GABRB3: variants seen among roughly 807,000 people sequenced by gnomAD.
GABRB3 encodes gamma-aminobutyric acid type A receptor subunit beta3.
GABRB3 carries 14 observed loss-of-function variants against 52.1 expected under a neutral mutation model. That is an observed-to-expected ratio of 0.27 (90% CI 0.18 to 0.42). The LOEUF (loss-of-function observed/expected upper bound fraction) is 0.42, where lower values mean the gene tolerates loss of function less well. Ranked by LOEUF, GABRB3 falls within the 10% of genes least tolerant of loss-of-function variation. GABRB3 has a pLI of 1.00. For synonymous variants in GABRB3, 260 were observed against 232.3 expected (o/e 1.12, Z -1.08); for missense variants, 307 against 609.1 (o/e 0.50, Z 5.22).
chr15:26,628,231 CTTTA>C (rs1349490698), intron 3 of GABRB3, among the ~76,000 whole-genome samples: 3 of 152,234 alleles, frequency 2.0e-5, no homozygotes, highest in Non-Finnish European at 4.4e-5. Context: ...ATGATATTTG[CTTTA>C]CAGCAATGGT....
At chr15:26,610,669 T>G (rs1485882014) in intron 4 of GABRB3, among the ~76,000 whole-genome samples, 3 of 152,130 alleles carry the variant, frequency 2.0e-5, no homozygotes, top group Non-Finnish European at 4.4e-5. Flanking sequence ...GCCCCAGTGA[T>G]CTCTGGAGCC....
chr15:26,575,955 T>C (rs1009370891), intron 6 of GABRB3, among the ~76,000 whole-genome samples: 1 of 152,204 alleles, frequency 6.6e-6, no homozygotes, highest in Non-Finnish European at 1.5e-5. Flanking sequence ...AAAATCTCAA[T>C]CTTTCCGTTC....
At chr15:26,704,107 G>A (rs1377753439) in intron 3 of GABRB3, among the ~76,000 whole-genome samples, 1 of 152,210 alleles carries the variant, frequency 6.6e-6, no homozygotes, top group Non-Finnish European at 1.5e-5. Context: ...CTGGGAGGAG[G>A]AAGGCATGCC....
At chr15:26,758,105 A>G (rs1191516817) in intron 3 of GABRB3, among the ~76,000 whole-genome samples, 1 of 150,848 alleles carries the variant, frequency 6.6e-6, no homozygotes, top group Non-Finnish European at 1.5e-5. Context: ...AAAAAACCGT[A>G]GAGGTGCAAC....
At position 26,716,779 on chromosome 15, in the gene GABRB3, A is replaced by C. The variant is rs5016886; in HGVS notation, c.240+55623T>G. 23,316 of 601,848 alleles carry C rather than the reference A, an allele frequency of 0.039. 2,665 individuals carry two copies. Among genetic ancestry groups the C allele is most frequent in the African/African-American group, 0.24 (7,202 of 30,590 alleles). 37.3% of individuals were successfully genotyped at this position (601,848 alleles called of 1,614,324 possible). ...CAGCCCAGCTCTGAGGACCTCCACC[A>C]AATGACAGCCCAGCTCTGAGGACCT... On this transcript the variant is annotated intron_variant, in intron 3 of 8. Transcript: ENST00000311550.
intron 3 of GABRB3, among the ~76,000 whole-genome samples, chr15:26,660,281 G>T (rs915378726): frequency 5.9e-4 from 89 of 151,998 alleles, no homozygotes; most frequent in African/African-American, 2.1e-3. Flanking sequence ...GCGACACTAG[G>T]ATCCTCTAGA....
intron 3 of GABRB3, among the ~76,000 whole-genome samples, chr15:26,710,830 T>C (rs532925690): frequency 1.3e-5 from 2 of 152,304 alleles, no homozygotes; most frequent in South Asian, 4.1e-4. Flanking sequence ...GACAGATATG[T>C]ACTTTAAAAA....
intron 3 of GABRB3, among the ~76,000 whole-genome samples, chr15:26,637,970 A>G (rs554417685): frequency 1.3e-5 from 2 of 152,314 alleles, no homozygotes; most frequent in South Asian, 4.2e-4. Context: ...CAGGCTTTCC[A>G]TCCTCCAAGT....
chr15:26,736,634 A>G (rs1238012769), intron 3 of GABRB3, among the ~76,000 whole-genome samples: 1 of 152,254 alleles, frequency 6.6e-6, no homozygotes, highest in African/African-American at 2.4e-5. Context: ...AGAGGCCAGC[A>G]TTCCAACTTC....
intron 3 of GABRB3, among the ~76,000 whole-genome samples, chr15:26,687,821 T>C (rs1162095009): frequency 6.6e-6 from 1 of 152,204 alleles, no homozygotes; most frequent in Non-Finnish European, 1.5e-5. Context: ...GAATGTTCTT[T>C]TCACATCATT....
chr15:26,635,841 T>C (rs1164634237), intron 3 of GABRB3, among the ~76,000 whole-genome samples: 1 of 152,230 alleles, frequency 6.6e-6, no homozygotes, highest in East Asian at 1.9e-4. Flanking sequence ...ATGTGCTATT[T>C]TTAGAGAGCA....
intron 3 of GABRB3, among the ~76,000 whole-genome samples, chr15:26,753,165 C>T (rs573929188): frequency 6.6e-6 from 1 of 152,180 alleles, no homozygotes; most frequent in African/African-American, 2.4e-5. Flanking sequence ...GCACTTTCCC[C>T]AGATGGTGGA....
Position 26,678,741 on chromosome 15 carries a change from A to G in GABRB3, c.241-57207T>C, listed in dbSNP as rs558462290. Among the ~76,000 whole-genome samples the G allele has an allele frequency of 3.9e-5, 6 of 152,296 alleles. No homozygotes were observed. The South Asian group carries it at 1.2e-3, about 32-fold the overall frequency. On this transcript the variant is annotated intron_variant, in intron 3 of 8. Transcript: ENST00000311550. ...GGAAGGTGAGTTCTGAAGGACAGCC[A>G]GGTATACACTGGGAAGCTGCTTTTC...
intron 6 of GABRB3, among the ~76,000 whole-genome samples, chr15:26,574,364 A>G (rs1420071598): frequency 1.3e-5 from 2 of 152,206 alleles, no homozygotes; most frequent in East Asian, 3.9e-4. Context: ...GTTCCTCAAA[A>G]GGATGTTACC....
chr15:26,622,306 C>T (rs1474516039), intron 3 of GABRB3, among the ~76,000 whole-genome samples: 1 of 152,066 alleles, frequency 6.6e-6, no homozygotes, highest in African/African-American at 2.4e-5. Context: ...GTTAGTTTAT[C>T]GAGAACAAAG....
chr15:26,722,112 T>C (rs2140142134), intron 3 of GABRB3, among the ~76,000 whole-genome samples: 1 of 152,312 alleles, frequency 6.6e-6, no homozygotes, highest in Admixed American at 6.5e-5. Flanking sequence ...CCTCACCTAA[T>C]TTCCTTCTTT....
At chr15:26,575,715 ATTTTGAAAACTGAT>A (rs1423472614) in intron 6 of GABRB3, among the ~76,000 whole-genome samples, 1 of 152,228 alleles carries the variant, frequency 6.6e-6, no homozygotes, top group Non-Finnish European at 1.5e-5. Flanking sequence ...ATAAAGCAGT[ATTTTGAAAACTGAT>A]TTTTGAAAAA....
intron 4 of GABRB3, among the ~76,000 whole-genome samples, chr15:26,588,000 T>C (rs989382199): frequency 6.6e-6 from 1 of 152,126 alleles, no homozygotes; most frequent in Admixed American, 6.5e-5. Flanking sequence ...TCCTTTTTTT[T>C]CTTTCGATTG....
intron 3 of GABRB3, among the ~76,000 whole-genome samples, chr15:26,747,559 G>A (rs923228941): frequency 6.6e-6 from 1 of 152,124 alleles, no homozygotes; most frequent in African/African-American, 2.4e-5. Context: ...TGATTTTTGT[G>A]TTGATCCTGT....
Sources: gnomAD v4.1 joint callset for allele counts (sites outside exome capture counted in the v4.1 genomes callset) on GRCh38, gnomAD v4.1.1 for gene constraint, MANE v1.5 for transcripts, NCBI Gene and HGNC (gene_info 2026-07-23, HGNC 2026-07-21) for gene names.